EVI5: variants seen among roughly 807,000 people sequenced by gnomAD.
EVI5 encodes ecotropic viral integration site 5, also known as ecotropic viral integration site 5 protein homolog.
In EVI5, 73 loss-of-function variants were observed where a neutral mutation model predicts 112.0. That is an observed-to-expected ratio of 0.65 (90% CI 0.54 to 0.79). The LOEUF (loss-of-function observed/expected upper bound fraction) is 0.79. Ranked by LOEUF, EVI5 falls within the 30% of genes least tolerant of loss-of-function variation. EVI5 has a pLI of 0.00. For synonymous variants in EVI5, 305 were observed against 319.9 expected (o/e 0.95, Z 0.50); for missense variants, 900 against 968.8 (o/e 0.93, Z 0.94).
chr1:92,659,133 G>GA (rs1475069779), intron 13 of EVI5, among the ~76,000 whole-genome samples: 2 of 151,888 alleles, frequency 1.3e-5, no homozygotes, highest in African/African-American at 2.4e-5. Context: ...CTTAAGACCT[G>GA]AAAATTTAAA....
At chr1:92,635,702 G>A (rs1044356697) in intron 14 of EVI5, among the ~76,000 whole-genome samples, 5 of 152,128 alleles carry the variant, frequency 3.3e-5, no homozygotes, top group Admixed American at 2.0e-4. Flanking sequence ...CACCTGGTAC[G>A]GCAGTTGGAA....
chr1:92,629,917 T>A (rs908822482), intron 14 of EVI5, among the ~76,000 whole-genome samples: 5 of 150,558 alleles, frequency 3.3e-5, no homozygotes, highest in Admixed American at 2.0e-4. Flanking sequence ...ACATGTGGTG[T>A]TTGGTATTTT....
At chr1:92,689,713 T>C (rs1286995774) in intron 9 of EVI5, among the ~76,000 whole-genome samples, 2 of 152,120 alleles carry the variant, frequency 1.3e-5, no homozygotes, top group Non-Finnish European at 2.9e-5. Flanking sequence ...TAGATTAGTG[T>C]CACTTTGGCA....
intron 13 of EVI5, among the ~76,000 whole-genome samples, chr1:92,649,906 T>C (rs1035376833): frequency 6.6e-6 from 1 of 152,236 alleles, no homozygotes; most frequent in Non-Finnish European, 1.5e-5. Context: ...CAGGAGAATA[T>C]CCAGTTTTCC....
At position 92,772,042 on chromosome 1, in the gene EVI5, C is replaced by T. The variant is rs552279679; in HGVS notation, c.-82+12794G>A. On this transcript the variant is annotated intron_variant, in intron 1 of 19. Transcript: ENST00000684568. ...GCTAATTTTTTATTTTTAGTAGAAA[C>T]GGGGTTTCACCATGTTGATCAGGCT... Among the ~76,000 whole-genome samples, 212 of 151,552 alleles carry T rather than the reference C, an allele frequency of 1.4e-3. 2 individuals carry two copies. The highest frequency in any genetic ancestry group is 2.1e-3 in the Non-Finnish European group (142 of 67,826).
chr1:92,571,519 A>C (rs983016523), intron 18 of EVI5, among the ~76,000 whole-genome samples: 2 of 152,142 alleles, frequency 1.3e-5, no homozygotes, highest in African/African-American at 2.4e-5. Context: ...TATGTTCTAC[A>C]TTTTATGCTC....
intron 18 of EVI5, among the ~76,000 whole-genome samples, chr1:92,564,444 A>C (rs925888029): frequency 1.3e-5 from 2 of 152,182 alleles, no homozygotes; most frequent in Non-Finnish European, 2.9e-5. Context: ...GGGGGAAAAA[A>C]AAGAAAAAGT....
chr1:92,643,739 T>TA (rs1660429123), intron 13 of EVI5, among the ~76,000 whole-genome samples: 1 of 152,316 alleles, frequency 6.6e-6, no homozygotes, highest in East Asian at 1.9e-4. Flanking sequence ...CTTTACCTTT[T>TA]AAAAAACTGC....
At chr1:92,612,626 C>T (rs995019316) in intron 16 of EVI5, among the ~76,000 whole-genome samples, 1 of 146,460 alleles carries the variant, frequency 6.8e-6, no homozygotes, top group African/African-American at 2.5e-5. Flanking sequence ...AGAAGAATCG[C>T]TTCAACCCCG....
intron 18 of EVI5, among the ~76,000 whole-genome samples, chr1:92,594,752 C>T (rs7366211): frequency 0.6 from 82,337 of 138,172 alleles, 24,083 homozygotes; most frequent in East Asian, 0.87. Context: ...AACAAGTGGG[C>T]GAAGGATATG....
chr1:92,642,953 T>C (rs1660260365), intron 13 of EVI5, among the ~76,000 whole-genome samples: 1 of 152,208 alleles, frequency 6.6e-6, no homozygotes, highest in African/African-American at 2.4e-5. Context: ...AACAGCTGGA[T>C]AAAACTGCAT....
intron 1 of EVI5, among the ~76,000 whole-genome samples, chr1:92,780,644 C>T (rs1403487387): frequency 6.6e-6 from 1 of 152,112 alleles, no homozygotes; most frequent in African/African-American, 2.4e-5. Context: ...AAAAGTGCCA[C>T]ACAGTGCAGA....
chr1:92,522,631 C>CAAAAAAA lies in EVI5; in HGVS notation c.2167-8668_2167-8662dup, dbSNP rs61277173. On this transcript the variant is annotated intron_variant, in intron 19 of 19. Coordinates refer to ENST00000684568, the MANE Select transcript of EVI5 (RefSeq NM_001350197.2). ...GGGTGACAGAGCAAGACTCCATCTC[C>CAAAAAAA]AAAAAAAAAAAAAAAAAAAAGAATT... Among the ~76,000 whole-genome samples the CAAAAAAA allele has an allele frequency of 2.0e-3, 144 of 70,434 alleles. 4 individuals are homozygous for CAAAAAAA. The highest frequency in any genetic ancestry group is 4.9e-3 in the African/African-American group (76 of 15,558). 46.2% of individuals were successfully genotyped at this position (70,434 alleles called of 152,430 possible).
chr1:92,701,311 T>C (rs1465642516), intron 5 of EVI5, among the ~76,000 whole-genome samples: 3 of 152,226 alleles, frequency 2.0e-5, no homozygotes, highest in Non-Finnish European at 4.4e-5. Flanking sequence ...CCAAACACCA[T>C]GCTAGGCTTC....
chr1:92,544,957 T>C (rs554836158), intron 19 of EVI5, among the ~76,000 whole-genome samples: 5 of 152,158 alleles, frequency 3.3e-5, no homozygotes, highest in Admixed American at 6.5e-5. Context: ...ACACGTACTA[T>C]TGGCATGACA....
At chr1:92,647,343 C>A (rs942085884) in intron 13 of EVI5, 1 of 246,204 alleles carries the variant, frequency 4.1e-6, no homozygotes, top group Admixed American at 3.8e-5. Context: ...CTGAACGGTG[C>A]AGGAAGAATA....
chr1:92,658,226 A>G (rs1663347087), intron 13 of EVI5, among the ~76,000 whole-genome samples: 1 of 152,240 alleles, frequency 6.6e-6, no homozygotes. Flanking sequence ...TAGTACTAAC[A>G]GTCTTAGCCA....
At chr1:92,770,083 C>T (rs976835763) in intron 1 of EVI5, among the ~76,000 whole-genome samples, 2 of 152,112 alleles carry the variant, frequency 1.3e-5, no homozygotes, top group African/African-American at 4.8e-5. Flanking sequence ...ACAAGGAACG[C>T]AGCTCGAGAA....
chr1:92,720,558 G>A (rs898452997), intron 2 of EVI5, among the ~76,000 whole-genome samples: 4 of 151,918 alleles, frequency 2.6e-5, no homozygotes, highest in Admixed American at 2.0e-4. Flanking sequence ...TGTTAGACCT[G>A]AACCATAAAA....
Sources: allele counts gnomAD v4.1 joint callset (sites outside exome capture counted in the v4.1 genomes callset), GRCh38; gene constraint gnomAD v4.1.1; transcripts MANE v1.5; gene names NCBI Gene and HGNC (gene_info 2026-07-23, HGNC 2026-07-21).